MARCHF10: variants seen among roughly 807,000 people sequenced by gnomAD.
MARCHF10 encodes probable E3 ubiquitin-protein ligase MARCHF10.
In MARCHF10, 64 loss-of-function variants were observed where a neutral mutation model predicts 76.2. That is an observed-to-expected ratio of 0.84 (90% CI 0.69 to 1.03). MARCHF10 has a LOEUF of 1.03. Among genes scored for constraint, MARCHF10 ranks in the 50% least tolerant of loss-of-function variants. The pLI is 0.00. For synonymous variants in MARCHF10, 340 were observed against 357.5 expected (o/e 0.95, Z 0.55); for missense variants, 875 against 958.0 (o/e 0.91, Z 1.14).
At chr17:62,790,759 G>A (rs1259749985) in intron 2 of MARCHF10, among the ~76,000 whole-genome samples, 1 of 152,184 alleles carries the variant, frequency 6.6e-6, no homozygotes, top group Non-Finnish European at 1.5e-5. Context: ...ACATTATGCT[G>A]TAAGGTTAAG....
intron 10 of MARCHF10, chr17:62,705,272 C>A (rs750824982): frequency 2.8e-6 from 4 of 1,411,316 alleles, no homozygotes; most frequent in Non-Finnish European, 3.7e-6. Flanking sequence ...AATCTTATCT[C>A]ATGCCGGAAG....
intron 2 of MARCHF10, among the ~76,000 whole-genome samples, chr17:62,792,696 AC>A (rs1176789970): frequency 2.8e-5 from 4 of 141,770 alleles, no homozygotes; most frequent in South Asian, 2.3e-4. Flanking sequence ...CACCACCATC[AC>A]CTCCATCACT....
intron 3 of MARCHF10, among the ~76,000 whole-genome samples, chr17:62,780,441 G>C (rs2092637162): frequency 6.6e-6 from 1 of 152,142 alleles, no homozygotes; most frequent in African/African-American, 2.4e-5. Flanking sequence ...GCCTTCCTCT[G>C]GAGGCGCACC....
chr17:62,762,530 C>T (rs2092233143), intron 3 of MARCHF10, among the ~76,000 whole-genome samples: 1 of 152,268 alleles, frequency 6.6e-6, no homozygotes, highest in South Asian at 2.1e-4. Context: ...ACGTTCTCAG[C>T]CATTCCCATC....
intron 6 of MARCHF10, among the ~76,000 whole-genome samples, chr17:62,728,876 T>C (rs993743372): frequency 6.6e-6 from 1 of 152,162 alleles, no homozygotes; most frequent in African/African-American, 2.4e-5. Flanking sequence ...GAGTGAAGGA[T>C]TTTAATCAAT....
At chr17:62,704,001 C>A (rs1599017836) in intron 10 of MARCHF10, among the ~76,000 whole-genome samples, 2 of 152,092 alleles carry the variant, frequency 1.3e-5, no homozygotes, top group Admixed American at 6.5e-5. Context: ...CCGCAGGTTT[C>A]CCCGGACCGG....
chr17:62,722,454 T>C (rs757473517), intron 8 of MARCHF10, 34 bp downstream of exon 8: 2 of 1,494,910 alleles, frequency 1.3e-6, no homozygotes, highest in African/African-American at 2.7e-5. Context: ...TAACATACTT[T>C]AACCTGTGGA....
intron 5 of MARCHF10, among the ~76,000 whole-genome samples, chr17:62,743,667 A>G (rs191675460): frequency 1.3e-5 from 2 of 152,178 alleles, no homozygotes; most frequent in African/African-American, 4.8e-5. Flanking sequence ...CAATAAAAAA[A>G]TAAAGGCAAC....
chr17:62,761,415 CTTTTTTCT>C (rs959812121), intron 3 of MARCHF10, among the ~76,000 whole-genome samples: 22 of 151,986 alleles, frequency 1.4e-4, no homozygotes, highest in African/African-American at 4.1e-4. Context: ...TAGGTCATTT[CTTTTTTCT>C]TTTTTTCTTT....
At chr17:62,739,629 C>T (rs894906607) in intron 5 of MARCHF10, among the ~76,000 whole-genome samples, 1 of 152,082 alleles carries the variant, frequency 6.6e-6, no homozygotes. Context: ...GATCCGCCTG[C>T]CTTGGCCTCC....
At chr17:62,772,843 C>T (rs762109857) in intron 3 of MARCHF10, among the ~76,000 whole-genome samples, 15 of 152,172 alleles carry the variant, frequency 9.9e-5, no homozygotes, top group Non-Finnish European at 1.9e-4. Flanking sequence ...GATATTTTCA[C>T]ATCTCATTAA....
intron 10 of MARCHF10, among the ~76,000 whole-genome samples, chr17:62,704,030 G>A (rs951683197): frequency 9.2e-5 from 14 of 151,826 alleles, no homozygotes; most frequent in Admixed American, 3.9e-4. Flanking sequence ...AGGCGTCTCC[G>A]GGGCGGGGCT....
intron 3 of MARCHF10, among the ~76,000 whole-genome samples, chr17:62,764,380 C>T (rs985558565): frequency 2.0e-5 from 3 of 152,040 alleles, no homozygotes; most frequent in Non-Finnish European, 2.9e-5. Context: ...CCGTGAGTCA[C>T]GTGATGGAGG....
At chr17:62,715,246 T>C (rs2090136433) in intron 8 of MARCHF10, among the ~76,000 whole-genome samples, 1 of 152,182 alleles carries the variant, frequency 6.6e-6, no homozygotes, top group East Asian at 1.9e-4. Context: ...TGTGCTCTGG[T>C]TGGATGGAAG....
rs916154360 is a variant in MARCHF10, at chr17:62,738,721, C to T, written c.536-1389G>A. 3.9e-5 allele frequency among the ~76,000 whole-genome samples: 6 copies of T among 152,180 alleles called. No individual in the cohort carries two copies. The highest frequency in any genetic ancestry group is 1.2e-4 in the African/African-American group (5 of 41,440). On this transcript the variant is annotated intron_variant, in intron 5 of 10. Coordinates refer to ENST00000311269, the MANE Select transcript of MARCHF10 (RefSeq NM_152598.4). This position sits in a 1 kb window ranked among gnomAD's most constrained non-coding sequence, Gnocchi z 4.0. ...TGTGAGTCTCTAATGTCCTAACACTCGGGCAGCTTCTTTTATTGTTAACTG... is the reference window on the plus strand; with the variant it reads ...TGTGAGTCTCTAATGTCCTAACACTTGGGCAGCTTCTTTTATTGTTAACTG...
intron 2 of MARCHF10, among the ~76,000 whole-genome samples, chr17:62,796,844 G>A (rs1056938959): frequency 6.6e-6 from 1 of 152,064 alleles, no homozygotes; most frequent in African/African-American, 2.4e-5. Context: ...TACAAAAAAT[G>A]TAGCTGGGTG....
At chr17:62,793,870 A>AACC (rs1272873364) in intron 2 of MARCHF10, among the ~76,000 whole-genome samples, 9 of 118,974 alleles carry the variant, frequency 7.6e-5, no homozygotes, top group East Asian at 5.1e-4. Flanking sequence ...CACGTCCATC[A>AACC]ACCACCACCA....
At chr17:62,713,167 A>G (rs1489002948) in intron 8 of MARCHF10, among the ~76,000 whole-genome samples, 1 of 152,150 alleles carries the variant, frequency 6.6e-6, no homozygotes, top group Non-Finnish European at 1.5e-5. Flanking sequence ...CTCCTCACCA[A>G]CAAAGCCTTG....
At chr17:62,755,082 T>A (rs1034606074) in intron 4 of MARCHF10, among the ~76,000 whole-genome samples, 2 of 152,224 alleles carry the variant, frequency 1.3e-5, no homozygotes, top group Non-Finnish European at 2.9e-5. Flanking sequence ...TGAAAAGTCT[T>A]CTTACTCCTG....
Sources: allele counts gnomAD v4.1 joint callset (sites outside exome capture counted in the v4.1 genomes callset), GRCh38; gene constraint gnomAD v4.1.1; non-coding constraint Gnocchi (gnomAD v3.1); transcripts MANE v1.5; gene names NCBI Gene and HGNC (gene_info 2026-07-23, HGNC 2026-07-21).